Variants in RAB31 observed in about 807,000 individuals in gnomAD.
RAB31 encodes RAB31, member RAS oncogene family, also known as ras-related protein Rab-31.
In RAB31, 21 loss-of-function variants were observed where a neutral mutation model predicts 25.6. That is an observed-to-expected ratio of 0.82 (90% confidence interval 0.58 to 1.18). The LOEUF (loss-of-function observed/expected upper bound fraction) is 1.18, where lower values mean the gene tolerates loss of function less well. Ranked by LOEUF, RAB31 falls within the 50% of genes most tolerant of loss-of-function variation. The probability of loss-of-function intolerance (pLI) is 0.00; values close to 1 mark genes in which losing one functional copy is unlikely to be tolerated. For synonymous variants in RAB31, 87 were observed against 84.0 expected (o/e 1.04, Z -0.20); for missense variants, 196 against 250.1 (o/e 0.78, Z 1.46).
chr18:9,717,232 G>A (rs113356897), intron 1 of RAB31, among the ~76,000 whole-genome samples: 4,011 of 152,214 alleles, frequency 0.026, 90 homozygotes, highest in Middle Eastern at 0.095. Context: ...CACCAAATGG[G>A]TTTTTCACTG....
At position 9,815,227 on chromosome 18, in the gene RAB31, G is replaced by A. The variant is rs200750727; in HGVS notation, c.380+5G>A. On this transcript the variant is annotated splice_donor_5th_base_variant and intron_variant, in intron 5 of 6. Transcript: ENST00000578921. ...GTGCGACCTCTCAGATATTAGGTAAGATGCATTGAAATCTCTTTTGTGTAG... is the reference window on the plus strand; with the variant it reads ...GTGCGACCTCTCAGATATTAGGTAAAATGCATTGAAATCTCTTTTGTGTAG... 55 of 1,522,444 alleles carry A rather than the reference G, an allele frequency of 3.6e-5. No individual in the cohort carries two copies. Among genetic ancestry groups the A allele is most frequent in the Non-Finnish European group, 4.6e-5 (52 of 1,119,782 alleles). 94.3% of individuals were successfully genotyped at this position (1,522,444 alleles called of 1,614,324 possible). A position where few individuals can be genotyped will look rare whatever the true frequency, so the allele number is the denominator to read the frequency against.
At chr18:9,857,899 G>A (rs980168940) in intron 6 of RAB31, among the ~76,000 whole-genome samples, 20 of 151,858 alleles carry the variant, frequency 1.3e-4, no homozygotes, top group African/African-American at 3.6e-4. Context: ...GCATGGTGGC[G>A]CACACCTATA....
intron 5 of RAB31, chr18:9,830,632 T>C (rs960330959): frequency 3.9e-5 from 6 of 152,230 alleles, no homozygotes; most frequent in African/African-American, 1.4e-4. Context: ...CCAGGCTGTG[T>C]TGTTTTTTCA....
At chr18:9,728,079 G>A (rs531422753) in intron 1 of RAB31, among the ~76,000 whole-genome samples, 1 of 152,276 alleles carries the variant, frequency 6.6e-6, no homozygotes, top group African/African-American at 2.4e-5. Context: ...CTCTACTAAT[G>A]TCTTCTATTT....
Position 9,835,787 on chromosome 18 carries a change from G to A in RAB31, c.381-9795G>A, listed in dbSNP as rs970731842. ...CTCACAGGTAAAAATCCAAGTGTCT[G>A]TAAGAACTAGCATTTTAAACAGAGA... On this transcript the variant is annotated intron_variant, in intron 5 of 6. Transcript: ENST00000578921. Among the ~76,000 whole-genome samples the A allele has an allele frequency of 3.9e-5, 6 of 152,260 alleles. No individual in the cohort carries two copies. In the East Asian group the frequency reaches 1.2e-3, roughly 29 times the overall value.
At chr18:9,856,647 A>G (rs1275050033) in intron 6 of RAB31, among the ~76,000 whole-genome samples, 1 of 152,116 alleles carries the variant, frequency 6.6e-6, no homozygotes. Flanking sequence ...TAAAATGTCA[A>G]CTCCTTTTAC....
At chr18:9,748,899 A>C (rs2068219847) in intron 1 of RAB31, among the ~76,000 whole-genome samples, 1 of 151,840 alleles carries the variant, frequency 6.6e-6, no homozygotes, top group Admixed American at 6.6e-5. Context: ...TCAAAAAAAA[A>C]TAATAATAAA....
chr18:9,708,735 C>G lies in RAB31; in HGVS notation c.39+291C>G, dbSNP rs112580696. On this transcript the variant is annotated intron_variant, in intron 1 of 6. Transcript: ENST00000578921. This position sits in a 1 kb window ranked among gnomAD's most constrained non-coding sequence, Gnocchi z 6.4. Reference sequence around the variant, plus strand: ...CCCCCGCTCTCACCCTGCCGGGGTCCGGGTCCGAGCCTGCCCCGGGCTTAC... The same window carrying G: ...CCCCCGCTCTCACCCTGCCGGGGTCGGGGTCCGAGCCTGCCCCGGGCTTAC... Among the ~76,000 whole-genome samples the G allele has an allele frequency of 6.6e-6, 1 of 151,948 alleles. No individual in the cohort carries two copies. Among genetic ancestry groups the G allele is most frequent in the Admixed American group, 6.5e-5 (1 of 15,282 alleles).
At position 9,732,605 on chromosome 18, in the gene RAB31, C is replaced by G. The variant is rs147653844; in HGVS notation, c.39+24161C>G. Among the ~76,000 whole-genome samples, 27 of 152,338 alleles carry G rather than the reference C, an allele frequency of 1.8e-4. No individual in the cohort carries two copies. In the East Asian group the frequency reaches 5.0e-3, roughly 28 times the overall value. ...CACCACAGCCGTGTCTCCAACCTCTCCCTAGTGCTTGGTGCTACTGCAAGG... is the reference window on the plus strand; with the variant it reads ...CACCACAGCCGTGTCTCCAACCTCTGCCTAGTGCTTGGTGCTACTGCAAGG... On this transcript the variant is annotated intron_variant, in intron 1 of 6. Transcript: ENST00000578921.
intron 1 of RAB31, among the ~76,000 whole-genome samples, chr18:9,723,337 C>T (rs780426398): frequency 4.6e-5 from 7 of 152,038 alleles, no homozygotes; most frequent in Admixed American, 6.6e-5. Context: ...CGTGAGCCAC[C>T]GTGCCTGGCC....
intron 2 of RAB31, 61 bp from the exon 3 acceptor site, chr18:9,792,093 T>C: frequency 7.1e-6 from 11 of 1,548,096 alleles, no homozygotes; most frequent in Non-Finnish European, 9.6e-6. Context: ...ACTTGTTTGA[T>C]TTGTGAATCT....
chr18:9,856,538 A>T (rs1338007194), intron 6 of RAB31, among the ~76,000 whole-genome samples: 3 of 152,240 alleles, frequency 2.0e-5, no homozygotes. Flanking sequence ...ATGGAGGGCT[A>T]AAAAGCTAAT....
intron 6 of RAB31, among the ~76,000 whole-genome samples, chr18:9,856,986 G>A (rs1046130828): frequency 3.3e-5 from 5 of 152,010 alleles, no homozygotes; most frequent in Admixed American, 6.6e-5. Context: ...CCTTTTAATT[G>A]TGATAAATTT....
intron 1 of RAB31, among the ~76,000 whole-genome samples, chr18:9,768,693 T>C (rs1245382088): frequency 1.3e-5 from 2 of 152,214 alleles, no homozygotes; most frequent in Non-Finnish European, 2.9e-5. Context: ...AGAAGCTCTT[T>C]AGTTTAATTA....
At chr18:9,746,039 A>G (rs2068203944) in intron 1 of RAB31, among the ~76,000 whole-genome samples, 1 of 152,234 alleles carries the variant, frequency 6.6e-6, no homozygotes, top group African/African-American at 2.4e-5. Context: ...TTCACAAAAA[A>G]CAACTACTGG....
chr18:9,810,939 G>GT (rs1263709801), intron 3 of RAB31, among the ~76,000 whole-genome samples: 1 of 152,166 alleles, frequency 6.6e-6, no homozygotes, highest in Non-Finnish European at 1.5e-5. Context: ...AAGTAGGAAT[G>GT]TTTAAAAAAA....
At chr18:9,814,908 G>C (rs1232137864) in intron 4 of RAB31, 3 of 395,636 alleles carry the variant, frequency 7.6e-6, no homozygotes, top group Non-Finnish European at 1.4e-5. Context: ...ACTAGATCAA[G>C]TTTTAATTTT....
At chr18:9,780,988 T>A (rs2068401046) in intron 2 of RAB31, among the ~76,000 whole-genome samples, 1 of 152,150 alleles carries the variant, frequency 6.6e-6, no homozygotes, top group East Asian at 1.9e-4. Context: ...AATGTTATGA[T>A]GTACCTCGTT....
At chr18:9,728,539 GT>G (rs1031452848) in intron 1 of RAB31, among the ~76,000 whole-genome samples, 4 of 152,008 alleles carry the variant, frequency 2.6e-5, no homozygotes, top group African/African-American at 9.7e-5. Context: ...TTTTTTGTTT[GT>G]TTGTTTGTTT....
Sources: allele counts gnomAD v4.1 joint callset (sites outside exome capture counted in the v4.1 genomes callset), GRCh38; gene constraint gnomAD v4.1.1; non-coding constraint Gnocchi (gnomAD v3.1); transcripts MANE v1.5; gene names NCBI Gene and HGNC (gene_info 2026-07-23, HGNC 2026-07-21).